The following CALN1 variants were observed in gnomAD, a reference collection of about 807,000 sequenced individuals.
CALN1 encodes the protein calneuron 1.
In CALN1, 17 loss-of-function variants were observed where a neutral mutation model predicts 30.6. The observed-to-expected ratio is 0.56, with a 90% CI of 0.38 to 0.83. CALN1 has a LOEUF of 0.83. Among genes scored for constraint, CALN1 ranks in the 40% least tolerant of loss-of-function variants. CALN1 has a pLI of 0.00. For missense variants in CALN1, 291 were observed against 354.9 expected (o/e 0.82, Z 1.45); for synonymous variants, 156 against 131.4 (o/e 1.19, Z -1.28).
intron 5 of CALN1, among the ~76,000 whole-genome samples, chr7:71,853,292 C>A (rs1790754164): frequency 6.6e-6 from 1 of 151,718 alleles, no homozygotes; most frequent in Admixed American, 6.6e-5. Flanking sequence ...AAAATATTTT[C>A]TAAAATTTTA....
chr7:72,393,318 G>A (rs999118248), intron 2 of CALN1, among the ~76,000 whole-genome samples: 8 of 152,024 alleles, frequency 5.3e-5, no homozygotes, highest in Non-Finnish European at 1.2e-4. Flanking sequence ...CAAGAAATTA[G>A]CCGGGCATGG....
upstream of CALN1, among the ~76,000 whole-genome samples, chr7:72,413,275 TGCACACACACAC>T (rs1807295707): frequency 6.9e-6 from 1 of 144,984 alleles, no homozygotes; most frequent in South Asian, 2.2e-4. Flanking sequence ...CACACACACA[TGCACACACACAC>T]CACATGTACA....
intron 6 of CALN1, among the ~76,000 whole-genome samples, chr7:71,792,854 C>T (rs1031172192): frequency 1.3e-5 from 2 of 151,868 alleles, no homozygotes; most frequent in African/African-American, 2.4e-5. Flanking sequence ...AGCTCTTCTT[C>T]GTGAAGGTCA....
chr7:71,990,479 T>TC (rs1253143213), intron 5 of CALN1, among the ~76,000 whole-genome samples: 3 of 151,984 alleles, frequency 2.0e-5, no homozygotes, highest in African/African-American at 2.4e-5. Flanking sequence ...TTTTTTTTTT[T>TC]CTCCATTCTG....
chr7:72,252,916 C>T (rs1014144299), intron 3 of CALN1, among the ~76,000 whole-genome samples: 1 of 152,204 alleles, frequency 6.6e-6, no homozygotes, highest in African/African-American at 2.4e-5. Flanking sequence ...ACTCAATCAA[C>T]ATTTGTGAAT....
Position 72,240,298 on chromosome 7 carries a change from T to C in CALN1, c.244+38388A>G, listed in dbSNP as rs140888206. The stretch of plus-strand genomic sequence containing the variant: ...CACCCTTGAATTCCTGGGCTCAAGC[T>C]ATCCTCCCACCTCAGCCTTCTGAGT... On this transcript the variant is annotated intron_variant, in intron 3 of 6. Transcript: ENST00000395275. Among the ~76,000 whole-genome samples, 518 of 152,118 alleles carry C rather than the reference T, an allele frequency of 3.4e-3. 2 individuals carry two copies. The highest frequency in any genetic ancestry group is 0.014 in the Middle Eastern group (4 of 294).
At chr7:71,991,908 T>C (rs1210265602) in intron 5 of CALN1, among the ~76,000 whole-genome samples, 1 of 152,254 alleles carries the variant, frequency 6.6e-6, no homozygotes, top group Non-Finnish European at 1.5e-5. Context: ...CTGTTGGAAC[T>C]TTAAAATACT....
intron 3 of CALN1, among the ~76,000 whole-genome samples, chr7:72,209,596 T>C (rs1391047615): frequency 2.0e-5 from 3 of 152,004 alleles, no homozygotes; most frequent in Middle Eastern, 3.4e-3. Context: ...CAATGGTTTT[T>C]AGTATATTCA....
chr7:72,086,278 T>C (rs1038249413), intron 4 of CALN1, among the ~76,000 whole-genome samples: 1 of 152,288 alleles, frequency 6.6e-6, no homozygotes, highest in East Asian at 1.9e-4. Context: ...CAGAAATATG[T>C]GTTCAAATAC....
chr7:72,089,530 A>G (rs529340108), intron 4 of CALN1, among the ~76,000 whole-genome samples: 7 of 152,318 alleles, frequency 4.6e-5, no homozygotes, highest in Non-Finnish European at 7.3e-5. Flanking sequence ...ATATTGGGTA[A>G]AAGTTTCACC....
At chr7:72,292,926 G>T (rs984259844) in intron 2 of CALN1, among the ~76,000 whole-genome samples, 1 of 151,450 alleles carries the variant, frequency 6.6e-6, no homozygotes, top group East Asian at 1.9e-4. Context: ...TTTCCTGCCT[G>T]TGCCAGTCCA....
At chr7:72,114,563 G>C (rs371300671) in intron 3 of CALN1, among the ~76,000 whole-genome samples, 5 of 152,162 alleles carry the variant, frequency 3.3e-5, no homozygotes, top group South Asian at 2.1e-4. Context: ...TTAATCCCAG[G>C]GAGGGCTTTA....
chr7:72,299,395 A>C (rs1799091816), intron 2 of CALN1, among the ~76,000 whole-genome samples: 1 of 152,174 alleles, frequency 6.6e-6, no homozygotes, highest in African/African-American at 2.4e-5. Flanking sequence ...GAAAAACTAA[A>C]AAATAAAAAT....
chr7:72,133,026 A>T (rs1281826682), intron 3 of CALN1, among the ~76,000 whole-genome samples: 1 of 152,174 alleles, frequency 6.6e-6, no homozygotes, highest in Admixed American at 6.5e-5. Flanking sequence ...TGAGAATCTA[A>T]TGCTTGATGA....
At chr7:72,317,082 G>GAGAGAGAGAGAAAGAA (rs1202728038) in intron 2 of CALN1, among the ~76,000 whole-genome samples, 1 of 104,242 alleles carries the variant, frequency 9.6e-6, no homozygotes, top group Admixed American at 1.0e-4. Flanking sequence ...GACACAGAAA[G>GAGAGAGAGAGAAAGAA]AGAGAGAGAG....
chr7:72,203,979 C>CTAATTTTTTT lies in CALN1; in HGVS notation c.244+74706_244+74707insAAAAAAATTA, dbSNP rs59798860. On this transcript the variant is annotated intron_variant, in intron 3 of 6. Coordinates refer to ENST00000395275, the MANE Select transcript of CALN1 (RefSeq NM_031468.4). ...TAGCCTTCATATAAGAGGCCTCTCTCTTTTTTTTTTTTTTTTTTTTTTTTT... is the reference window on the plus strand; with the variant it reads ...TAGCCTTCATATAAGAGGCCTCTCTCTAATTTTTTTTTTTTTTTTTTTTTTTTTTTTTTTT... Among the ~76,000 whole-genome samples the CTAATTTTTTT allele has an allele frequency of 1.3e-4, 11 of 83,808 alleles. 1 individual carries two copies. The South Asian group carries it at 5.2e-3, about 39-fold the overall frequency. 55.0% of individuals were successfully genotyped at this position (83,808 alleles called of 152,430 possible). A position where few individuals can be genotyped will look rare whatever the true frequency, so the allele number is the denominator to read the frequency against.
At chr7:72,256,114 T>C (rs1166259178) in intron 3 of CALN1, among the ~76,000 whole-genome samples, 1 of 152,246 alleles carries the variant, frequency 6.6e-6, no homozygotes, top group Non-Finnish European at 1.5e-5. Flanking sequence ...ATTAGTGTCC[T>C]ATTAGATGGG....
At chr7:71,793,968 C>T (rs1005172753) in intron 6 of CALN1, among the ~76,000 whole-genome samples, 10 of 152,296 alleles carry the variant, frequency 6.6e-5, no homozygotes, top group East Asian at 1.9e-4. Flanking sequence ...CCAATGAATG[C>T]GAGCTCCCTT....
intron 2 of CALN1, among the ~76,000 whole-genome samples, chr7:72,368,325 TG>T (rs921059650): frequency 8.6e-5 from 13 of 151,490 alleles, no homozygotes; most frequent in African/African-American, 3.2e-4. Flanking sequence ...ACTTGTGATT[TG>T]TGCACTTTTT....
Sources: allele counts gnomAD v4.1 joint callset (sites outside exome capture counted in the v4.1 genomes callset), GRCh38; gene constraint gnomAD v4.1.1; transcripts MANE v1.5; gene names NCBI Gene and HGNC (gene_info 2026-07-23, HGNC 2026-07-21).